Variants in FAM184B observed in about 807,000 individuals in gnomAD.
FAM184B encodes the protein protein FAM184B.
FAM184B carries 111 observed loss-of-function variants against 135.9 expected under a neutral mutation model. The ratio of observed to expected loss-of-function variants is 0.82; its 90% confidence interval spans 0.70 to 0.96. The LOEUF is 0.96. Ranked by LOEUF, FAM184B falls within the 40% of genes least tolerant of loss-of-function variation. The probability of loss-of-function intolerance (pLI) is 0.00; values close to 1 mark genes in which losing one functional copy is unlikely to be tolerated. For missense variants in FAM184B, 1,375 were observed against 1,323.9 expected (o/e 1.04, Z -0.60); for synonymous variants, 552 against 524.8 (o/e 1.05, Z -0.71).
intron 10 of FAM184B, among the ~76,000 whole-genome samples, chr4:17,654,268 G>A (rs1335562162): frequency 6.6e-6 from 1 of 151,370 alleles, no homozygotes; most frequent in African/African-American, 2.4e-5. Flanking sequence ...AATGAGAGAT[G>A]GGCATTGGAG....
At position 17,647,743 on chromosome 4, in the gene FAM184B, T is replaced by C. The variant is rs1577245501; in HGVS notation, c.2240A>G (p.His747Arg). Residue 747 changes from histidine (H) to arginine (R), a missense_variant, in exon 12 of 18, where the codon CAC becomes CGC. By Grantham distance (29) the His-to-Arg change is conservative. Coordinates refer to ENST00000265018, the MANE Select transcript of FAM184B (RefSeq NM_015688.2). ...LSEQQAACSG[H>R]QKDLEALQAE... ...CTGCAGTGCCTCCAAGTCCTTCTGG[T>C]GCCCAGAACAGGCAGCTTGCTGCTC... 2 of 1,550,872 alleles carry C rather than the reference T, an allele frequency of 1.3e-6. No homozygotes were observed. The highest frequency in any genetic ancestry group is 1.8e-4 in the Middle Eastern group (1 of 5,668).
At chr4:17,754,163 A>G (rs1223277318) in intron 1 of FAM184B, among the ~76,000 whole-genome samples, 2 of 152,196 alleles carry the variant, frequency 1.3e-5, no homozygotes, top group African/African-American at 4.8e-5. Flanking sequence ...AAAACATGTT[A>G]AGGAAGTATA....
chr4:17,721,383 C>CAAAAAAAAAAGAAA lies in FAM184B; in HGVS notation c.142-11740_142-11739insTTTCTTTTTTTTTT, dbSNP rs1717523527. On this transcript the variant is annotated intron_variant, in intron 1 of 17. Coordinates refer to ENST00000265018, the MANE Select transcript of FAM184B (RefSeq NM_015688.2). ...TGGGCGACAGAGAAAGATTCTGTCT[C>CAAAAAAAAAAGAAA]AAAAAAAAAAAAAAAAAAAAAAATC... is the stretch of plus-strand genomic sequence containing the variant. 4.2e-5 allele frequency among the ~76,000 whole-genome samples: 2 copies of CAAAAAAAAAAGAAA among 47,384 alleles called. 1 individual carries two copies. The highest frequency in any genetic ancestry group is 2.3e-3 in the South Asian group (2 of 852). The allele number at this position is 47,384 out of a possible 152,430, so 31.1% of individuals were successfully genotyped here.
chr4:17,712,014 T>C (rs903206776), intron 1 of FAM184B, among the ~76,000 whole-genome samples: 3 of 152,122 alleles, frequency 2.0e-5, no homozygotes, highest in African/African-American at 7.2e-5. Context: ...TACTTTACAG[T>C]GTGTGGCATC....
intron 8 of FAM184B, among the ~76,000 whole-genome samples, chr4:17,662,415 G>A (rs944677800): frequency 5.5e-4 from 83 of 151,842 alleles, no homozygotes; most frequent in Non-Finnish European, 1.1e-3. Context: ...TCGGCTCGCT[G>A]CAACCTCTGC....
chr4:17,663,564 C>T lies in FAM184B; in HGVS notation c.1694+998G>A, dbSNP rs151254395. Among the ~76,000 whole-genome samples the T allele has an allele frequency of 1.2e-3, 188 of 152,118 alleles. 2 individuals are homozygous for T. The highest frequency in any genetic ancestry group is 4.2e-3 in the African/African-American group (174 of 41,450). ...TGCAAAAATCACTAACATTCCTATA[C>T]ACCAGCAACATTCAAGCTGAGAGCC... On this transcript the variant is annotated intron_variant, in intron 8 of 17. Transcript: ENST00000265018.
chr4:17,769,569 A>G (rs558326056), intron 1 of FAM184B, among the ~76,000 whole-genome samples: 1 of 152,272 alleles, frequency 6.6e-6, no homozygotes, highest in African/African-American at 2.4e-5. Context: ...TTAGCTTGGG[A>G]GGGAGTGGGT....
chr4:17,771,724 A>C (rs1191268377), intron 1 of FAM184B, among the ~76,000 whole-genome samples: 1 of 152,148 alleles, frequency 6.6e-6, no homozygotes, highest in Non-Finnish European at 1.5e-5. Flanking sequence ...CTCCTGCCCT[A>C]CAGCACTGCC....
At chr4:17,654,278 G>A (rs1715729035) in intron 10 of FAM184B, among the ~76,000 whole-genome samples, 1 of 151,750 alleles carries the variant, frequency 6.6e-6, no homozygotes, top group Admixed American at 6.6e-5. Context: ...GGGCATTGGA[G>A]AGATGAATTT....
At position 17,781,394 on chromosome 4, in the gene FAM184B, C is replaced by T; in HGVS notation, c.-95G>A. 7.2e-7 allele frequency: 1 copy of T among 1,383,122 alleles called. No individual in the cohort carries two copies. The highest frequency in any genetic ancestry group is 9.4e-7 in the Non-Finnish European group (1 of 1,061,888). The allele number at this position is 1,383,122 out of a possible 1,614,324, so 85.7% of individuals were successfully genotyped here. ...CGCGGGCGTGCGAGCGTGTGGGTTT[C>T]TCGGGAGAGGTGGCACTGCAGTCCC... is the stretch of plus-strand genomic sequence containing the variant. On this transcript the variant is annotated 5_prime_UTR_variant, in exon 1 of 18. Coordinates refer to ENST00000265018, the MANE Select transcript of FAM184B (RefSeq NM_015688.2). The surrounding 1 kb of genome is among the most constrained non-coding windows in gnomAD (Gnocchi z 6.5).
intron 1 of FAM184B, among the ~76,000 whole-genome samples, chr4:17,720,510 G>A (rs973669905): frequency 1.3e-5 from 2 of 152,126 alleles, no homozygotes; most frequent in Non-Finnish European, 2.9e-5. Context: ...TGAGGATGTG[G>A]AAAAATTGGA....
chr4:17,767,335 G>A (rs1382984057), intron 1 of FAM184B, among the ~76,000 whole-genome samples: 1 of 152,228 alleles, frequency 6.6e-6, no homozygotes, highest in Non-Finnish European at 1.5e-5. Flanking sequence ...GCCAGCTAGG[G>A]CTGCCAGGGC....
intron 14 of FAM184B, among the ~76,000 whole-genome samples, chr4:17,637,742 A>G (rs540116223): frequency 6.6e-6 from 1 of 152,334 alleles, no homozygotes; most frequent in African/African-American, 2.4e-5. Flanking sequence ...ATGCTGCCTG[A>G]CCTTGGGCAA....
At chr4:17,760,477 A>T (rs560852944) in intron 1 of FAM184B, among the ~76,000 whole-genome samples, 16 of 151,918 alleles carry the variant, frequency 1.1e-4, no homozygotes, top group Non-Finnish European at 1.8e-4. Context: ...CTCAAAAAAA[A>T]AAAAACAAAA....
rs191310589 is a variant in FAM184B at position 17,642,720 on chromosome 4, T to C, written c.2347-492A>G. Among the ~76,000 whole-genome samples the C allele has an allele frequency of 3.3e-4, 50 of 151,884 alleles. 1 individual carries two copies. The highest frequency in any genetic ancestry group is 1.2e-3 in the African/African-American group (49 of 41,158). ...GTCCATGCTGGTTTCCTTGGCTAGA[T>C]TGGGAGCTATTCCTCTCTTCATCTT... On this transcript the variant is annotated intron_variant, in intron 12 of 17. Transcript: ENST00000265018.
intron 1 of FAM184B, among the ~76,000 whole-genome samples, chr4:17,724,320 A>C (rs1004495684): frequency 6.6e-6 from 1 of 152,086 alleles, no homozygotes; most frequent in Admixed American, 6.6e-5. Context: ...TTTATCATCA[A>C]GTTGTATTTT....
intron 5 of FAM184B, among the ~76,000 whole-genome samples, chr4:17,695,155 C>CTGGGGTTTTAT (rs141899736): frequency 7.4e-6 from 1 of 135,100 alleles, no homozygotes; most frequent in African/African-American, 2.7e-5. Flanking sequence ...TACTGTTTTT[C>CTGGGGTTTTAT]TTTGTTGTTT....
rs191689931 is a variant in FAM184B at position 17,689,906 on chromosome 4, T to A, written c.1489-1375A>T. 3.8e-4 allele frequency among the ~76,000 whole-genome samples: 58 copies of A among 152,124 alleles called. 1 individual carries two copies. Among genetic ancestry groups the A allele is most frequent in the Admixed American group, 3.7e-3 (57 of 15,298 alleles). ...GCTTATGCCTGTAATCCCAGAACTT[T>A]GGGAGGCCGAGGTGGACAGATCACC... On this transcript the variant is annotated intron_variant, in intron 6 of 17. Transcript: ENST00000265018.
chr4:17,734,658 G>C (rs1315525285), intron 1 of FAM184B, among the ~76,000 whole-genome samples: 3 of 150,214 alleles, frequency 2.0e-5, no homozygotes, highest in Non-Finnish European at 3.0e-5. Flanking sequence ...TTAGAATGGC[G>C]ATCATTAAAA....
Sources: allele counts gnomAD v4.1 joint callset (sites outside exome capture counted in the v4.1 genomes callset), GRCh38; gene constraint gnomAD v4.1.1; non-coding constraint Gnocchi (gnomAD v3.1); transcripts MANE v1.5; gene names NCBI Gene and HGNC (gene_info 2026-07-23, HGNC 2026-07-21).